The following PCSK6 variants were observed in gnomAD, a reference collection of about 807,000 sequenced individuals.
PCSK6 encodes proprotein convertase subtilisin/kexin type 6, also known as paired basic amino acid cleaving enzyme 4.
Under a neutral mutation model 123.3 loss-of-function variants are expected in PCSK6, and 85 were observed. That is an observed-to-expected ratio of 0.69 (90% CI 0.58 to 0.83). PCSK6 has a LOEUF of 0.83. Ranked by LOEUF, PCSK6 falls within the 40% of genes least tolerant of loss-of-function variation. PCSK6 has a pLI of 0.00. For synonymous variants in PCSK6, 508 were observed against 516.0 expected, an observed-to-expected ratio of 0.98 and a Z score of 0.21; for missense variants, 1,191 against 1,282.3, an observed-to-expected ratio of 0.93 and a Z score of 1.09.
rs368744597 is a variant in PCSK6, at chr15:101,359,419, A to G, written c.1858+6777T>C. ...CCCTCAGGAAGTATTTCTTGTATCC[A>G]CTAATCCTGTGTCCTCTGTAGCACA... On this transcript the variant is annotated intron_variant, in intron 13 of 21. Transcript: ENST00000611716. Among the ~76,000 whole-genome samples, 11 of 152,374 alleles carry G rather than the reference A, an allele frequency of 7.2e-5. 1 individual carries two copies. In the South Asian group the frequency reaches 1.9e-3, roughly 26 times the overall value.
At position 101,477,245 on chromosome 15, in the gene PCSK6, GTGTGTGTGTGTGTCTGTGTGTC is replaced by G. The variant is rs2057755429; in HGVS notation, c.297+12107_297+12128del. Reference sequence around the variant, plus strand: ...GACATTGGTGAATATATGTGTGTGCGTGTGTGTGTGTGTCTGTGTGTCTGTGTGTGTGTGCATGCATACCTAC... The same window carrying G: ...GACATTGGTGAATATATGTGTGTGCGTGTGTGTGTGTGCATGCATACCTAC... On this transcript the variant is annotated intron_variant, in intron 1 of 21. Transcript: ENST00000611716. 5.3e-5 allele frequency among the ~76,000 whole-genome samples: 8 copies of G among 150,198 alleles called. No homozygotes were observed. The South Asian group carries it at 1.7e-3, about 32-fold the overall frequency.
At chr15:101,315,609 C>G (rs1417913661) in intron 19 of PCSK6, among the ~76,000 whole-genome samples, 5 of 152,270 alleles carry the variant, frequency 3.3e-5, no homozygotes, top group Admixed American at 3.3e-4. Flanking sequence ...TTTTGAATCT[C>G]TCTTGGTCTG....
At chr15:101,331,730 G>T in intron 14 of PCSK6, 41 bp from the exon 15 acceptor site, 1 of 1,547,132 alleles carries the variant, frequency 6.5e-7, no homozygotes, top group Non-Finnish European at 8.7e-7. Context: ...TGACTCCCAG[G>T]CAAGAGAGAC....
intron 13 of PCSK6, among the ~76,000 whole-genome samples, chr15:101,333,730 G>T (rs1596194289): frequency 7.9e-6 from 1 of 126,148 alleles, no homozygotes; most frequent in Admixed American, 1.0e-4. Flanking sequence ...CTAAATTCCA[G>T]AACAGGAGCT....
In PCSK6 at chr15:101,454,999, A is replaced by T. The variant is rs116498262; in HGVS notation, c.298-11339T>A. Reference sequence around the variant, plus strand: ...ATGAATGAATAAATAAATAAATAAAAGGGTACAGAGTTTCAGTCTGAGAAA... The same window carrying T: ...ATGAATGAATAAATAAATAAATAAATGGGTACAGAGTTTCAGTCTGAGAAA... On this transcript the variant is annotated intron_variant, in intron 1 of 21. Transcript: ENST00000611716. 5.3e-3 allele frequency among the ~76,000 whole-genome samples: 789 copies of T among 148,480 alleles called. 6 individuals carry two copies. The highest frequency in any genetic ancestry group is 0.019 in the African/African-American group (756 of 38,812).
intron 6 of PCSK6, among the ~76,000 whole-genome samples, chr15:101,423,871 T>C (rs7169453): frequency 0.49 from 74,430 of 152,002 alleles, 19,011 homozygotes; most frequent in African/African-American, 0.63. Context: ...GAAAACTACA[T>C]AAAAGAATGT....
At chr15:101,312,976 G>A in intron 20 of PCSK6, 1 of 1,116,332 alleles carries the variant, frequency 9.0e-7, no homozygotes. Flanking sequence ...GTGCACTCCA[G>A]CCTGGGCGAC....
chr15:101,460,901 G>A lies in PCSK6; in HGVS notation c.298-17241C>T, dbSNP rs117459678. 2.0e-4 allele frequency among the ~76,000 whole-genome samples: 30 copies of A among 152,170 alleles called. No individual in the cohort carries two copies. The East Asian group carries it at 4.0e-3, about 21-fold the overall frequency. On this transcript the variant is annotated intron_variant, in intron 1 of 21. Transcript: ENST00000611716. Reference sequence around the variant, plus strand: ...TCATGGGAACTGTGGACATGACCCCGGGAAAGATGTGTGTAACCTGAGGTG... The same window carrying A: ...TCATGGGAACTGTGGACATGACCCCAGGAAAGATGTGTGTAACCTGAGGTG...
chr15:101,458,750 T>C (rs1242416955), intron 1 of PCSK6, among the ~76,000 whole-genome samples: 1 of 152,182 alleles, frequency 6.6e-6, no homozygotes, highest in African/African-American at 2.4e-5. Flanking sequence ...ACTCTGTCAA[T>C]CATTCACGCT....
At chr15:101,368,576 T>C (rs977566374) in intron 12 of PCSK6, among the ~76,000 whole-genome samples, 1 of 152,086 alleles carries the variant, frequency 6.6e-6, no homozygotes, top group Non-Finnish European at 1.5e-5. Flanking sequence ...TGCCCCAGCC[T>C]CTCAGCCTCA....
At chr15:101,386,701 G>T (rs1252615930) in intron 9 of PCSK6, among the ~76,000 whole-genome samples, 2 of 152,148 alleles carry the variant, frequency 1.3e-5, no homozygotes, top group African/African-American at 4.8e-5. Flanking sequence ...AATGTTCCAC[G>T]TGTGTACAGA....
chr15:101,386,130 C>T (rs1012426209), intron 9 of PCSK6, among the ~76,000 whole-genome samples: 2 of 152,058 alleles, frequency 1.3e-5, no homozygotes, highest in African/African-American at 2.4e-5. Flanking sequence ...ACCGTGCTCT[C>T]GGTGCGTGTT....
At chr15:101,454,204 T>A (rs1461695433) in intron 1 of PCSK6, among the ~76,000 whole-genome samples, 1 of 152,260 alleles carries the variant, frequency 6.6e-6, no homozygotes, top group East Asian at 1.9e-4. Context: ...GAGAGCAAGT[T>A]ATCCCAAGGG....
At chr15:101,306,904 G>A (rs535325180) in intron 21 of PCSK6, among the ~76,000 whole-genome samples, 22 of 152,286 alleles carry the variant, frequency 1.4e-4, no homozygotes, top group African/African-American at 5.3e-4. Context: ...CCGGGCCACC[G>A]GCGGCCTATG....
At chr15:101,347,426 G>C (rs923478390) in intron 13 of PCSK6, 1 of 1,238,586 alleles carries the variant, frequency 8.1e-7, no homozygotes. Context: ...ATGAATAAAG[G>C]GAAAACATGG....
At chr15:101,418,765 G>A (rs568528770) in intron 6 of PCSK6, among the ~76,000 whole-genome samples, 9 of 152,200 alleles carry the variant, frequency 5.9e-5, no homozygotes, top group African/African-American at 2.2e-4. Context: ...CACCCACTTT[G>A]ACCTCCCAAA....
chr15:101,431,865 C>G, intron 3 of PCSK6, 125 bp downstream of exon 3: 3 of 757,486 alleles, frequency 4.0e-6, no homozygotes, highest in Non-Finnish European at 6.9e-6. Flanking sequence ...GTTTTACACC[C>G]TCAAGGTGAA....
chr15:101,433,185 C>T (rs1032114174), intron 2 of PCSK6, among the ~76,000 whole-genome samples: 1 of 152,170 alleles, frequency 6.6e-6, no homozygotes, highest in African/African-American at 2.4e-5. Context: ...ACATCCATGG[C>T]CTCAGGGTGG....
At chr15:101,338,539 T>C (rs956268320) in intron 13 of PCSK6, among the ~76,000 whole-genome samples, 1 of 152,232 alleles carries the variant, frequency 6.6e-6, no homozygotes, top group Non-Finnish European at 1.5e-5. Context: ...GACCAGGGTC[T>C]ACACTCAACA....
Sources: allele counts gnomAD v4.1 joint callset (sites outside exome capture counted in the v4.1 genomes callset), GRCh38; gene constraint gnomAD v4.1.1; transcripts MANE v1.5; gene names NCBI Gene and HGNC (gene_info 2026-07-23, HGNC 2026-07-21).